Variants in FIRRM observed in about 807,000 individuals in gnomAD.
The protein encoded by FIRRM is FIGNL1 interacting regulator of recombination and mitosis.
the FIRRM span, among the ~76,000 whole-genome samples, chr1:169,838,951 A>T: frequency 6.6e-6 from 1 of 151,926 alleles, no homozygotes; most frequent in Non-Finnish European, 1.5e-5. Flanking sequence ...TCCCCCTACT[A>T]GTCCCGTGTT....
At chr1:169,826,469 T>G in the FIRRM span, among the ~76,000 whole-genome samples, 1 of 151,778 alleles carries the variant, frequency 6.6e-6, no homozygotes, top group African/African-American at 2.4e-5. Context: ...TTCAAGTGAT[T>G]CTCCTGCCTC....
the FIRRM span, chr1:169,808,055 T>G: frequency 2.1e-6 from 2 of 932,606 alleles, no homozygotes; most frequent in East Asian, 5.4e-5. Context: ...TGGGTGTTTT[T>G]TTTTGATCTG....
At chr1:169,824,961 C>A in the FIRRM span, among the ~76,000 whole-genome samples, 1 of 152,198 alleles carries the variant, frequency 6.6e-6, no homozygotes, top group Non-Finnish European at 1.5e-5. Flanking sequence ...CCCATATCAT[C>A]CTCATACCCA....
At chr1:169,853,560 C>T in the FIRRM span, 5 of 753,352 alleles carry the variant, frequency 6.6e-6, no homozygotes, top group Non-Finnish European at 1.1e-5. Flanking sequence ...CAGTCAGTCT[C>T]CTACTTCAGT....
the FIRRM span, among the ~76,000 whole-genome samples, chr1:169,809,182 G>A: frequency 6.6e-6 from 1 of 152,164 alleles, no homozygotes; most frequent in Non-Finnish European, 1.5e-5. Flanking sequence ...GAGGAGTAGT[G>A]TTAGGAAGGG....
At chr1:169,852,395 ATAGTAAT>A in the FIRRM span, 10,432 of 276,390 alleles carry the variant, frequency 0.038, 281 homozygotes, top group Admixed American at 0.065. Flanking sequence ...CACTATTAGT[ATAGTAAT>A]TAGTATAGTA....
the FIRRM span, among the ~76,000 whole-genome samples, chr1:169,811,130 G>A: frequency 2.0e-5 from 3 of 151,856 alleles, no homozygotes; most frequent in Non-Finnish European, 2.9e-5. Flanking sequence ...AAAGTGCTGG[G>A]ATTACAGGCG....
At chr1:169,827,028 G>GT in the FIRRM span, 43 of 1,604,672 alleles carry the variant, frequency 2.7e-5, no homozygotes, top group East Asian at 5.1e-4. Context: ...TAATGAATGA[G>GT]TTTTTTTTCT....
chr1:169,828,732 A>G, the FIRRM span, among the ~76,000 whole-genome samples: 10 of 151,924 alleles, frequency 6.6e-5, no homozygotes, highest in Non-Finnish European at 8.8e-5. Context: ...AATTTTTTCT[A>G]GGGATAAGGT....
At chr1:169,851,724 T>C in the FIRRM span, 4 of 1,499,014 alleles carry the variant, frequency 2.7e-6, no homozygotes, top group African/African-American at 1.4e-5. Context: ...CCTAGTATGG[T>C]TGAACACTCA....
At chr1:169,849,258 AAC>A in the FIRRM span, among the ~76,000 whole-genome samples, 1 of 152,226 alleles carries the variant, frequency 6.6e-6, no homozygotes, top group Non-Finnish European at 1.5e-5. Context: ...AAGTATAGCT[AAC>A]ACAAAGGTAG....
chr1:169,806,940 A>G, the FIRRM span, among the ~76,000 whole-genome samples: 106,941 of 152,116 alleles, frequency 0.7, 37,796 homozygotes, highest in Middle Eastern at 0.85. Context: ...CATAGTTAAT[A>G]CTCAAGGAAT....
chr1:169,833,467 T>C, the FIRRM span, among the ~76,000 whole-genome samples: 1 of 152,194 alleles, frequency 6.6e-6, no homozygotes, highest in Non-Finnish European at 1.5e-5. Context: ...AAGTCATCCT[T>C]TCTGAACTTC....
chr1:169,813,807 G>C, the FIRRM span, among the ~76,000 whole-genome samples: 2 of 152,174 alleles, frequency 1.3e-5, no homozygotes, highest in Non-Finnish European at 1.5e-5. Context: ...GGGTAACACT[G>C]GTCTTAGAGT....
chr1:169,790,694 T>C, the FIRRM span, among the ~76,000 whole-genome samples: 1 of 152,204 alleles, frequency 6.6e-6, no homozygotes, highest in African/African-American at 2.4e-5. Flanking sequence ...GAGAGATACC[T>C]ATTTGTCTCA....
chr1:169,807,150 C>G, the FIRRM span, among the ~76,000 whole-genome samples: 1 of 152,190 alleles, frequency 6.6e-6, no homozygotes, highest in Non-Finnish European at 1.5e-5. Context: ...TCATGCTGCT[C>G]TCCCTACTCT....
the FIRRM span, chr1:169,852,282 C>T: frequency 1.2e-5 from 4 of 320,534 alleles, no homozygotes; most frequent in Non-Finnish European, 2.3e-5. Flanking sequence ...CCTTATTAAT[C>T]AAATGAGTCT....
the FIRRM span, chr1:169,851,996 TACTG>T: frequency 4.3e-6 from 7 of 1,611,052 alleles, no homozygotes; most frequent in African/African-American, 1.3e-5. Flanking sequence ...CCTTTTTACT[TACTG>T]ACGAAACAAA....
the FIRRM span, among the ~76,000 whole-genome samples, chr1:169,841,868 C>T: frequency 6.6e-6 from 1 of 151,760 alleles, no homozygotes; most frequent in Admixed American, 6.6e-5. Flanking sequence ...TTTGGGTTAC[C>T]AACATTTCAC....
Sources: allele counts gnomAD v4.1 joint callset (sites outside exome capture counted in the v4.1 genomes callset), GRCh38; gene constraint gnomAD v4.1.1; transcripts MANE v1.5; gene names NCBI Gene and HGNC (gene_info 2026-07-23, HGNC 2026-07-21).